Variants in MAGI2 observed in about 807,000 individuals in gnomAD.
The protein encoded by MAGI2 is membrane associated guanylate kinase, WW and PDZ domain containing 2.
MAGI2 carries 35 observed loss-of-function variants against 133.3 expected under a neutral mutation model. The ratio of observed to expected loss-of-function variants is 0.26; its 90% CI spans 0.20 to 0.35. The LOEUF (loss-of-function observed/expected upper bound fraction) is 0.35, where lower values mean the gene tolerates loss of function less well. Ranked by LOEUF, MAGI2 falls within the 10% of genes least tolerant of loss-of-function variation. MAGI2 has a pLI of 1.00. For synonymous variants in MAGI2, 729 were observed against 710.6 expected (o/e 1.03, Z -0.41); for missense variants, 1,636 against 1,863.4 (o/e 0.88, Z 2.25).
At chr7:78,519,215 C>T (rs1796294140) in intron 4 of MAGI2, 1 of 150,868 alleles carries the variant, frequency 6.6e-6, no homozygotes, top group Non-Finnish European at 1.5e-5. Context: ...AAAGAAACTC[C>T]TAAAGTCTCT....
At chr7:78,632,223 G>A (rs1229358502) in intron 2 of MAGI2, among the ~76,000 whole-genome samples, 3 of 152,190 alleles carry the variant, frequency 2.0e-5, no homozygotes, top group African/African-American at 7.2e-5. Context: ...TTAATAGGGA[G>A]AGGCAGATAA....
intron 1 of MAGI2, among the ~76,000 whole-genome samples, chr7:79,265,639 T>C (rs1485401950): frequency 2.0e-5 from 3 of 152,136 alleles, no homozygotes; most frequent in Non-Finnish European, 2.9e-5. Context: ...GAATGTTACG[T>C]TTTAAAGACA....
chr7:79,294,659 A>G (rs1397727447), intron 1 of MAGI2, among the ~76,000 whole-genome samples: 5 of 150,820 alleles, frequency 3.3e-5, no homozygotes, highest in Non-Finnish European at 3.0e-5. Context: ...GACCTGATCA[A>G]GTCAGCATTT....
intron 3 of MAGI2, among the ~76,000 whole-genome samples, chr7:78,585,346 T>G (rs1216585397): frequency 6.6e-6 from 1 of 152,140 alleles, no homozygotes; most frequent in African/African-American, 2.4e-5. Context: ...AAGAAAAATT[T>G]TTCTCTTCCA....
chr7:78,302,342 T>C (rs1231991260), intron 9 of MAGI2, among the ~76,000 whole-genome samples: 1 of 152,182 alleles, frequency 6.6e-6, no homozygotes, highest in Admixed American at 6.5e-5. Flanking sequence ...TAATGCTTAA[T>C]TTCATCCCCA....
rs559631592 is a variant in MAGI2 at position 78,273,417 on chromosome 7, G to T, written c.1409-16836C>A. 2.7e-4 allele frequency among the ~76,000 whole-genome samples: 41 copies of T among 151,854 alleles called. No homozygotes were observed. In the East Asian group the frequency reaches 6.8e-3, roughly 25 times the overall value. ...GTGAATCTGACAATTATGTGTGTTGGGGTTGCTCTTCTCGAGGAGTATCTT... is the reference window on the plus strand; with the variant it reads ...GTGAATCTGACAATTATGTGTGTTGTGGTTGCTCTTCTCGAGGAGTATCTT... On this transcript the variant is annotated intron_variant, in intron 9 of 21. Coordinates refer to ENST00000354212, the MANE Select transcript of MAGI2 (RefSeq NM_012301.4).
intron 6 of MAGI2, chr7:78,487,029 C>T (rs190608293): frequency 2.4e-5 from 12 of 510,210 alleles, no homozygotes; most frequent in South Asian, 5.7e-5. Context: ...ATGTAACCAA[C>T]GAAGGACCAA....
chr7:78,242,971 C>A (rs941325280), intron 10 of MAGI2, among the ~76,000 whole-genome samples: 14 of 152,024 alleles, frequency 9.2e-5, no homozygotes, highest in African/African-American at 3.4e-4. Flanking sequence ...ACTTGAAAGG[C>A]TGAGGTGGGG....
intron 1 of MAGI2, among the ~76,000 whole-genome samples, chr7:79,037,263 A>G (rs56683266): frequency 0.027 from 4,081 of 152,300 alleles, 176 homozygotes; most frequent in African/African-American, 0.093. Context: ...GTCATTGTGT[A>G]AAACCAAATT....
At chr7:78,086,694 G>T (rs940152970) in intron 20 of MAGI2, among the ~76,000 whole-genome samples, 3 of 151,354 alleles carry the variant, frequency 2.0e-5, no homozygotes, top group Non-Finnish European at 2.9e-5. Flanking sequence ...GAGTGTAGTG[G>T]CGTGACCTCG....
chr7:79,359,162 T>C (rs1425751633), intron 1 of MAGI2, among the ~76,000 whole-genome samples: 1 of 152,010 alleles, frequency 6.6e-6, no homozygotes, highest in East Asian at 1.9e-4. Context: ...TACATAAAAA[T>C]AGTGGAAAAT....
chr7:78,935,354 T>C (rs949207033), intron 2 of MAGI2, among the ~76,000 whole-genome samples: 1 of 152,138 alleles, frequency 6.6e-6, no homozygotes, highest in African/African-American at 2.4e-5. Context: ...TGATATTAGA[T>C]TCAGTGATGG....
At chr7:79,229,082 T>C (rs766895557) in intron 1 of MAGI2, among the ~76,000 whole-genome samples, 3 of 151,156 alleles carry the variant, frequency 2.0e-5, no homozygotes, top group Non-Finnish European at 2.9e-5. Flanking sequence ...TATACGACAA[T>C]GATTTTTTTT....
chr7:78,411,446 A>G (rs6967955), intron 6 of MAGI2, among the ~76,000 whole-genome samples: 89,925 of 151,800 alleles, frequency 0.59, 28,595 homozygotes, highest in East Asian at 0.9. Flanking sequence ...TGGTTGTCGT[A>G]TACCAACAAT....
chr7:78,915,875 GTC>G (rs1287763994), intron 2 of MAGI2, among the ~76,000 whole-genome samples: 1 of 151,974 alleles, frequency 6.6e-6, no homozygotes, highest in African/African-American at 2.4e-5. Flanking sequence ...GAGGAGGAGG[GTC>G]TCTCTGAGAA....
chr7:78,638,948 T>A (rs1376546616), intron 2 of MAGI2, among the ~76,000 whole-genome samples: 1 of 152,168 alleles, frequency 6.6e-6, no homozygotes, highest in East Asian at 1.9e-4. Flanking sequence ...ATCAGTGACT[T>A]TCTATAGAAA....
intron 1 of MAGI2, among the ~76,000 whole-genome samples, chr7:79,093,654 G>A (rs368258134): frequency 2.0e-5 from 3 of 151,654 alleles, no homozygotes; most frequent in East Asian, 3.9e-4. Context: ...TCAAGGTTTG[G>A]GTGCTGTGGC....
At chr7:79,023,025 C>T (rs565864923) in intron 1 of MAGI2, among the ~76,000 whole-genome samples, 3 of 152,130 alleles carry the variant, frequency 2.0e-5, no homozygotes, top group East Asian at 3.9e-4. Flanking sequence ...TTAGCAGAGA[C>T]ACAACAAAAA....
intron 4 of MAGI2, among the ~76,000 whole-genome samples, chr7:78,511,891 C>A (rs897050586): frequency 6.6e-6 from 1 of 150,926 alleles, no homozygotes; most frequent in South Asian, 2.1e-4. Flanking sequence ...GTCAGGAGAT[C>A]GAGACCAGAC....
Sources: gnomAD v4.1 joint callset for allele counts (sites outside exome capture counted in the v4.1 genomes callset) on GRCh38, gnomAD v4.1.1 for gene constraint, MANE v1.5 for transcripts, NCBI Gene and HGNC (gene_info 2026-07-23, HGNC 2026-07-21) for gene names.